Variants in COPG2 observed in about 807,000 individuals in gnomAD.
The protein encoded by COPG2 is coatomer subunit gamma-2.
Under a neutral mutation model 46.3 loss-of-function variants are expected in COPG2, and 37 were observed. The observed-to-expected ratio is 0.80, with a 90% confidence interval of 0.61 to 1.05. The LOEUF (loss-of-function observed/expected upper bound fraction) is 1.05. COPG2 is among the 50% of genes least tolerant of loss of function. The probability of loss-of-function intolerance (pLI) is 0.00; values close to 1 mark genes in which losing one functional copy is unlikely to be tolerated. For synonymous variants in COPG2, 159 were observed against 129.7 expected, an observed-to-expected ratio of 1.23 and a Z score of -1.53; for missense variants, 427 against 387.8, an observed-to-expected ratio of 1.10 and a Z score of -0.85.
chr7:130,506,603 G>T lies in COPG2; in HGVS notation c.*73C>A. On this transcript the variant is annotated 3_prime_UTR_variant, in exon 24 of 24. Transcript: ENST00000425248. ...TTCATCTTCAAAAGTCTGATTCTGGGAAACTGATGCCACTAGCCTAAAAGC... is the reference window on the plus strand; with the variant it reads ...TTCATCTTCAAAAGTCTGATTCTGGTAAACTGATGCCACTAGCCTAAAAGC... The T allele has an allele frequency of 5.3e-6, 3 of 569,530 alleles. 1 individual carries two copies. The highest frequency in any genetic ancestry group is 6.4e-6 in the Non-Finnish European group (2 of 311,534). 35.3% of individuals were successfully genotyped at this position (569,530 alleles called of 1,614,324 possible).
At chr7:130,608,030 A>G (rs1794770978) in intron 9 of COPG2, 1 of 341,018 alleles carries the variant, frequency 2.9e-6, no homozygotes, top group African/African-American at 2.2e-5. Flanking sequence ...TGGCCAAGCT[A>G]CACCATTATT....
Position 130,611,067 on chromosome 7 carries a change from C to T in COPG2, c.623G>A (p.Arg208Gln), listed in dbSNP as rs782309869. ...GVLYHLRKND[R>Q]LAVSKMLNKF... Reference sequence around the variant, plus strand: ...ATTCAACATCTTGGAAACAGCAAGTCGATCATTCTTTCTAAGGTGATACAG... The same window carrying T: ...ATTCAACATCTTGGAAACAGCAAGTTGATCATTCTTTCTAAGGTGATACAG... The change falls in exon 9 of 24, where the codon CGA (arginine) becomes CAA (glutamine). Residue 208 changes from arginine (R) to glutamine (Q), a missense_variant. Coordinates refer to ENST00000425248, the MANE Select transcript of COPG2 (RefSeq NM_012133.6). 10 of 1,613,610 alleles carry T rather than the reference C, an allele frequency of 6.2e-6. No homozygotes were observed. The highest frequency in any genetic ancestry group is 1.6e-4 in the Middle Eastern group (1 of 6,062).
intron 20 of COPG2, among the ~76,000 whole-genome samples, chr7:130,541,028 A>AT (rs1799930404): frequency 6.6e-6 from 1 of 152,194 alleles, no homozygotes; most frequent in African/African-American, 2.4e-5. Context: ...TCACTGGTGG[A>AT]TGCGGGAGGA....
At position 130,534,493 on chromosome 7, in the gene COPG2, G is replaced by A. The variant is rs920089149; in HGVS notation, c.2149+13181C>T. ...AGCAAAATATCCACAGATGTCATGA[G>A]GCTCCAATGGGGGTGGGGGGCACAG... is the stretch of plus-strand genomic sequence containing the variant. On this transcript the variant is annotated intron_variant, in intron 20 of 23. Coordinates refer to ENST00000425248, the MANE Select transcript of COPG2 (RefSeq NM_012133.6). 3.9e-5 allele frequency among the ~76,000 whole-genome samples: 6 copies of A among 152,032 alleles called. No individual in the cohort carries two copies. In the East Asian group the frequency reaches 1.2e-3, roughly 30 times the overall value.
intron 9 of COPG2, among the ~76,000 whole-genome samples, chr7:130,607,240 CATAAATAAATAAATAAATAA>C (rs5887469): frequency 4.8e-5 from 7 of 145,862 alleles, no homozygotes; most frequent in South Asian, 2.2e-4. Flanking sequence ...GAGAGACTGT[CATAAATAAATAAATAAATAA>C]ATAAATAAAT....
chr7:130,582,259 T>C (rs1794164859), intron 9 of COPG2, among the ~76,000 whole-genome samples: 1 of 149,310 alleles, frequency 6.7e-6, no homozygotes, highest in Non-Finnish European at 1.5e-5. Flanking sequence ...GGATTCCCTA[T>C]TTAATAAATG....
chr7:130,574,851 G>GA (rs1361966135), intron 9 of COPG2, among the ~76,000 whole-genome samples: 22 of 151,778 alleles, frequency 1.4e-4, no homozygotes, highest in Middle Eastern at 6.8e-3. Context: ...ATTGCTTAAA[G>GA]AAAAAAAACA....
At chr7:130,615,938 T>A (rs1257402771) in intron 6 of COPG2, among the ~76,000 whole-genome samples, 22 of 152,308 alleles carry the variant, frequency 1.4e-4, no homozygotes, top group Non-Finnish European at 1.9e-4. Context: ...CCTTAGGACA[T>A]AATACTTGAT....
intron 4 of COPG2, among the ~76,000 whole-genome samples, chr7:130,662,300 C>A (rs1554460919): frequency 1.3e-5 from 2 of 152,202 alleles, no homozygotes. Flanking sequence ...TGGGGGTTGA[C>A]ACAAAATGTG....
chr7:130,595,951 C>G (rs529186727), intron 9 of COPG2, among the ~76,000 whole-genome samples: 79 of 152,210 alleles, frequency 5.2e-4, no homozygotes, highest in Non-Finnish European at 9.4e-4. Flanking sequence ...TACTTTCTTC[C>G]TTGTTCCTAC....
intron 6 of COPG2, among the ~76,000 whole-genome samples, chr7:130,616,239 A>G (rs1407118255): frequency 3.9e-5 from 6 of 152,176 alleles, no homozygotes; most frequent in Non-Finnish European, 7.3e-5. Context: ...GAACTGCATC[A>G]TTTGCTGTTT....
chr7:130,558,352 C>T (rs988376353), intron 12 of COPG2, among the ~76,000 whole-genome samples: 2 of 152,222 alleles, frequency 1.3e-5, no homozygotes, highest in South Asian at 2.1e-4. Flanking sequence ...CTTGGTCATG[C>T]TCCTGCCATG....
intron 5 of COPG2, among the ~76,000 whole-genome samples, chr7:130,620,246 T>C (rs966121935): frequency 2.0e-5 from 3 of 152,170 alleles, no homozygotes; most frequent in African/African-American, 4.8e-5. Flanking sequence ...TGTCAGACAC[T>C]GTTCCAGACA....
intron 20 of COPG2, chr7:130,509,811 AAG>A (rs1554440796): frequency 3.9e-6 from 2 of 508,566 alleles, no homozygotes; most frequent in African/African-American, 1.9e-5. Context: ...TTTAAGTTTT[AAG>A]AGAGTGCCAT....
Position 130,649,191 on chromosome 7 carries a change from T to C in COPG2, c.323+3678A>G, listed in dbSNP as rs117015867. 4.6e-3 allele frequency among the ~76,000 whole-genome samples: 699 copies of C among 152,378 alleles called. 3 individuals are homozygous for C. The highest frequency in any genetic ancestry group is 5.3e-3 in the Non-Finnish European group (360 of 68,036). ...CAGTGTTTTGTGTGAGTGAATGCTCTGACCTTTTCATCTTTCTGAGGTTTC... is the reference window on the plus strand; with the variant it reads ...CAGTGTTTTGTGTGAGTGAATGCTCCGACCTTTTCATCTTTCTGAGGTTTC... On this transcript the variant is annotated intron_variant, in intron 5 of 23. Transcript: ENST00000425248.
intron 20 of COPG2, among the ~76,000 whole-genome samples, chr7:130,532,768 C>T (rs895814554): frequency 7.9e-5 from 12 of 152,056 alleles, no homozygotes; most frequent in African/African-American, 1.4e-4. Flanking sequence ...GCCACTGGAT[C>T]GTGAGCATGG....
chr7:130,521,068 T>C (rs2116346247), intron 20 of COPG2, among the ~76,000 whole-genome samples: 1 of 152,310 alleles, frequency 6.6e-6, no homozygotes, highest in East Asian at 1.9e-4. Context: ...ATAAGAGCTT[T>C]TTCAAATTTA....
chr7:130,533,259 C>T (rs1799846424), intron 20 of COPG2, among the ~76,000 whole-genome samples: 1 of 147,656 alleles, frequency 6.8e-6, no homozygotes, highest in South Asian at 2.2e-4. Flanking sequence ...GCAAAATATT[C>T]ACAAGGAGAA....
chr7:130,619,153 T>C (rs1362990597), intron 5 of COPG2, among the ~76,000 whole-genome samples: 2 of 152,178 alleles, frequency 1.3e-5, no homozygotes, highest in African/African-American at 2.4e-5. Context: ...CAACAGAACT[T>C]TTTTCAATGA....
Sources: gnomAD v4.1 joint callset for allele counts (sites outside exome capture counted in the v4.1 genomes callset) on GRCh38, gnomAD v4.1.1 for gene constraint, MANE v1.5 for transcripts, NCBI Gene and HGNC (gene_info 2026-07-23, HGNC 2026-07-21) for gene names.